The following FOXA3 variants were observed in gnomAD, a reference collection of about 807,000 sequenced individuals.
FOXA3 encodes the protein hepatocyte nuclear factor 3-gamma.
FOXA3 carries 11 observed loss-of-function variants against 16.9 expected under a neutral mutation model. The ratio of observed to expected loss-of-function variants is 0.65; its 90% confidence interval spans 0.41 to 1.08. The LOEUF is 1.08. Among genes scored for constraint, FOXA3 ranks in the 50% least tolerant of loss-of-function variants. The pLI is 0.00. For missense variants in FOXA3, 423 were observed against 470.1 expected (o/e 0.90, Z 0.93); for synonymous variants, 217 against 203.3 (o/e 1.07, Z -0.57).
intron 1 of FOXA3, among the ~76,000 whole-genome samples, chr19:45,868,577 TAAAAAAAAA>T (rs34586958): frequency 8.6e-6 from 1 of 116,612 alleles, no homozygotes; most frequent in Non-Finnish European, 1.8e-5. Flanking sequence ...GAGACTCTCT[TAAAAAAAAA>T]AAAAAAAAAA....
intron 1 of FOXA3, among the ~76,000 whole-genome samples, chr19:45,868,299 G>A (rs1283746886): frequency 6.6e-6 from 1 of 152,070 alleles, no homozygotes; most frequent in Non-Finnish European, 1.5e-5. Context: ...CAGTGGTAGG[G>A]CCAGACATGG....
chr19:45,872,730 C>T lies in FOXA3; in HGVS notation c.725C>T (p.Thr242Ile), dbSNP rs773364143. The T allele has an allele frequency of 3.7e-6, 6 of 1,601,352 alleles. No homozygotes were observed. Among genetic ancestry groups the T allele is most frequent in the Admixed American group, 1.7e-5 (1 of 58,770 alleles). The change falls in exon 2 of 2, where the codon ACC (threonine) becomes ATC (isoleucine). Residue 242 changes from threonine (T) to isoleucine (I), a missense_variant. Thr to Ile is a moderately conservative substitution (Grantham distance 89, BLOSUM62 -1). Coordinates refer to ENST00000302177, the MANE Select transcript of FOXA3 (RefSeq NM_004497.3). This position sits in a 1 kb window ranked among gnomAD's most constrained non-coding sequence, Gnocchi z 4.5. ...NGTGSAASTTTPAATVTSPPQ... is the reference protein window; with the variant it reads ...NGTGSAASTTIPAATVTSPPQ... ...ACAGGGTCTGCTGCCTCGACCACCA[C>T]CCCCGCGGCCACAGTCACCTCCCCG...
chr19:45,869,939 C>A (rs1966890482), intron 1 of FOXA3, among the ~76,000 whole-genome samples: 3 of 151,804 alleles, frequency 2.0e-5, no homozygotes, highest in Admixed American at 2.0e-4. Flanking sequence ...GCGCCCGCCA[C>A]CATACCTGGC....
At chr19:45,869,791 ATTT>A (rs71175234) in intron 1 of FOXA3, among the ~76,000 whole-genome samples, 5 of 149,160 alleles carry the variant, frequency 3.4e-5, no homozygotes, top group African/African-American at 7.4e-5. Context: ...TTATTTATTT[ATTT>A]TTTTTTTTTG....
chr19:45,864,565 G>C, intron 1 of FOXA3, 40 bp downstream of exon 1: 1 of 1,467,370 alleles, frequency 6.8e-7, no homozygotes, highest in African/African-American at 1.4e-5. Flanking sequence ...GTTGGGGGCA[G>C]GTATCGGGGT....
At chr19:45,871,630 A>G (rs1225397753) in intron 1 of FOXA3, among the ~76,000 whole-genome samples, 10 of 150,496 alleles carry the variant, frequency 6.6e-5, no homozygotes, top group African/African-American at 9.8e-5. Flanking sequence ...GCTGCTCTGG[A>G]GGCTGATGCA....
chr19:45,868,660 G>A (rs765554848), intron 1 of FOXA3, among the ~76,000 whole-genome samples: 1 of 151,764 alleles, frequency 6.6e-6, no homozygotes, highest in Non-Finnish European at 1.5e-5. Context: ...TCTAGCCAGT[G>A]CTGTATATAG....
chr19:45,871,492 C>T (rs138091397), intron 1 of FOXA3, among the ~76,000 whole-genome samples: 5 of 150,362 alleles, frequency 3.3e-5, no homozygotes, highest in East Asian at 2.0e-4. Flanking sequence ...TTTGGGAGGC[C>T]GAGGCGGGCA....
At chr19:45,867,414 GAGATAGATAGATAGATAGATAGAT>G (rs10682335) in intron 1 of FOXA3, among the ~76,000 whole-genome samples, 2 of 143,506 alleles carry the variant, frequency 1.4e-5, no homozygotes, top group Admixed American at 7.0e-5. Context: ...TGAAGGGAGG[GAGATAGATAGATAGATAGATAGAT>G]AGATAGATAG....
At chr19:45,867,303 G>T (rs1972092720) in intron 1 of FOXA3, among the ~76,000 whole-genome samples, 1 of 152,022 alleles carries the variant, frequency 6.6e-6, no homozygotes, top group Non-Finnish European at 1.5e-5. Context: ...CTGGGGAGGG[G>T]ACCCGAAGCC....
In FOXA3 at chr19:45,872,624, C is replaced by T. The variant is rs1230516440; in HGVS notation, c.619C>T (p.Leu207=). ...SGNMFENGCY[L]RRQKRFKLEE... ...GAACATGTTTGAGAATGGCTGCTAC[C>T]TGCGCCGCCAGAAACGCTTCAAGCT... The change falls in exon 2 of 2, where the codon CTG becomes TTG. Residue 207 remains leucine, a synonymous_variant. Coordinates refer to ENST00000302177, the MANE Select transcript of FOXA3 (RefSeq NM_004497.3). This position sits in a 1 kb window ranked among gnomAD's most constrained non-coding sequence, Gnocchi z 4.5. 3 of 1,614,032 alleles carry T rather than the reference C, an allele frequency of 1.9e-6. No individual in the cohort carries two copies. Among genetic ancestry groups the T allele is most frequent in the Non-Finnish European group, 2.5e-6 (3 of 1,179,934 alleles).
At chr19:45,865,581 T>G (rs1205343424) in intron 1 of FOXA3, among the ~76,000 whole-genome samples, 4 of 151,994 alleles carry the variant, frequency 2.6e-5, no homozygotes, top group Non-Finnish European at 4.4e-5. Flanking sequence ...GACTGTGGGC[T>G]TGAGGTGGGG....
rs746771667 is a variant in FOXA3, at chr19:45,872,339, C to A, written c.334C>A (p.Pro112Thr). ...GGAGATGCCGAAGGGGTATCGGCGG[C>A]CCCTGGCACACGCCAAGCCACCGTA... is the stretch of plus-strand genomic sequence containing the variant. The part of the protein sequence containing the change: ...GKEMPKGYRR[P>T]LAHAKPPYSY... The change falls in exon 2 of 2, where the codon CCC becomes ACC. Residue 112 changes from proline to threonine, a missense_variant. By Grantham distance (38) the Pro-to-Thr change is conservative. Transcript: ENST00000302177. This position sits in a 1 kb window ranked among gnomAD's most constrained non-coding sequence, Gnocchi z 4.5. The A allele has an allele frequency of 6.2e-7, 1 of 1,613,824 alleles. No homozygotes were observed. The highest frequency in any genetic ancestry group is 1.7e-5 in the Admixed American group (1 of 60,022).
rs774808979 is a variant in FOXA3, at chr19:45,865,485, C to T, written c.69+960C>T. The stretch of plus-strand genomic sequence containing the variant: ...CTTAGCTACCTCACTCTGTAATCAA[C>T]GTTGTGAGGTTGTTGGGGCTGGGGG... On this transcript the variant is annotated intron_variant, in intron 1 of 1. Transcript: ENST00000302177. Among the ~76,000 whole-genome samples the T allele has an allele frequency of 1.6e-4, 24 of 152,194 alleles. No homozygotes were observed. In the South Asian group the frequency reaches 4.6e-3, roughly 29 times the overall value.
intron 1 of FOXA3, among the ~76,000 whole-genome samples, chr19:45,870,695 G>A (rs757843295): frequency 1.3e-5 from 2 of 149,782 alleles, no homozygotes; most frequent in African/African-American, 2.5e-5. Flanking sequence ...TCAACCTCCC[G>A]AGTAGCTGGG....
At chr19:45,871,237 T>C (rs1461444929) in intron 1 of FOXA3, among the ~76,000 whole-genome samples, 1 of 152,214 alleles carries the variant, frequency 6.6e-6, no homozygotes, top group Non-Finnish European at 1.5e-5. Context: ...AAAAGATTTT[T>C]ATTAAAAAAA....
At chr19:45,867,450 T>TGC (rs1972094511) in intron 1 of FOXA3, among the ~76,000 whole-genome samples, 4 of 151,560 alleles carry the variant, frequency 2.6e-5, no homozygotes, top group Non-Finnish European at 5.9e-5. Context: ...GATAGATAGA[T>TGC]AGATAGATGC....
intron 1 of FOXA3, among the ~76,000 whole-genome samples, chr19:45,870,712 G>A (rs1391472371): frequency 2.0e-5 from 3 of 151,880 alleles, no homozygotes; most frequent in Non-Finnish European, 4.4e-5. Context: ...TGGGATTACA[G>A]TCCTGTGCCA....
In FOXA3 at chr19:45,873,226, G is replaced by A. The variant is rs1287041702; in HGVS notation, c.*168G>A. 2 of 1,083,130 alleles carry A rather than the reference G, an allele frequency of 1.8e-6. No homozygotes were observed. The highest frequency in any genetic ancestry group is 1.6e-5 in the South Asian group (1 of 63,250). The allele number at this position is 1,083,130 out of a possible 1,614,324, so 67.1% of individuals were successfully genotyped here. ...AGTGGGCATGGTGTTGATCCACGGG[G>A]TACTGTGATAACCACCATGGATACA... On this transcript the variant is annotated 3_prime_UTR_variant, in exon 2 of 2. Coordinates refer to ENST00000302177, the MANE Select transcript of FOXA3 (RefSeq NM_004497.3).
Sources: allele counts gnomAD v4.1 joint callset (sites outside exome capture counted in the v4.1 genomes callset), GRCh38; gene constraint gnomAD v4.1.1; non-coding constraint Gnocchi (gnomAD v3.1); transcripts MANE v1.5; gene names NCBI Gene and HGNC (gene_info 2026-07-23, HGNC 2026-07-21).